DYNC1H1: variants seen among roughly 807,000 people sequenced by gnomAD.
DYNC1H1 encodes dynein cytoplasmic 1 heavy chain 1, also known as cytoplasmic dynein 1 heavy chain 1.
In DYNC1H1, 51 loss-of-function variants were observed where a neutral mutation model predicts 527.1. That is an observed-to-expected ratio of 0.10 (90% CI 0.08 to 0.12). The LOEUF (loss-of-function observed/expected upper bound fraction) is 0.12. Ranked by LOEUF, DYNC1H1 falls within the 10% of genes least tolerant of loss-of-function variation. The pLI, the probability that DYNC1H1 is intolerant of heterozygous loss-of-function variation, is 1.00. For missense variants in DYNC1H1, 2,771 were observed against 5,971.8 expected (o/e 0.46, Z 17.66); for synonymous variants, 2,189 against 2,278.8 (o/e 0.96, Z 1.12).
In DYNC1H1 at chr14:101,976,644, T is replaced by G. The variant is rs17540631; in HGVS notation, c.344+845T>G. On this transcript the variant is annotated intron_variant, in intron 2 of 77. Coordinates refer to ENST00000360184, the MANE Select transcript of DYNC1H1 (RefSeq NM_001376.5). ...GTCTTCAAATTAGGAAGTTTTCCAA[T>G]TCAATATAAATTCTAAAATACTGTC... Among the ~76,000 whole-genome samples, 835 of 152,334 alleles carry G rather than the reference T, an allele frequency of 5.5e-3. 16 individuals carry two copies. Among genetic ancestry groups the G allele is most frequent in the East Asian group, 0.037 (190 of 5,190 alleles).
At chr14:102,035,701 G>A (rs779064489) in intron 56 of DYNC1H1, 5 of 152,236 alleles carry the variant, frequency 3.3e-5, no homozygotes, top group African/African-American at 1.2e-4. Context: ...GGTGCAGAGC[G>A]GACAGTAGAG....
chr14:101,972,688 T>C (rs1253929483), intron 1 of DYNC1H1, among the ~76,000 whole-genome samples: 1 of 152,248 alleles, frequency 6.6e-6, no homozygotes, highest in Non-Finnish European at 1.5e-5. Flanking sequence ...TGTGTGATTT[T>C]ATTTGTATCA....
At position 102,038,017 on chromosome 14, in the gene DYNC1H1, T is replaced by TTTA. The variant is rs555767648; in HGVS notation, c.10909-440_10909-438dup. On this transcript the variant is annotated intron_variant, in intron 57 of 77. Transcript: ENST00000360184. This position sits in a 1 kb window ranked among gnomAD's most constrained non-coding sequence, Gnocchi z 7.2. ...GTGACTAGGAACTGAGTTTTAATTT[T>TTTA]TTATTTTATGTTTTTTTGAGACAGA... 46 of 309,184 alleles carry TTTA rather than the reference T, an allele frequency of 1.5e-4. No homozygotes were observed. In the Admixed American group the frequency reaches 1.9e-3, roughly 13 times the overall value. The allele number at this position is 309,184 out of a possible 1,614,324, so 19.2% of individuals were successfully genotyped here. A position where few individuals can be genotyped will look rare whatever the true frequency, so the allele number is the denominator to read the frequency against.
intron 43 of DYNC1H1, among the ~76,000 whole-genome samples, chr14:102,025,107 G>A (rs1177414306): frequency 6.6e-6 from 1 of 151,844 alleles, no homozygotes; most frequent in Non-Finnish European, 1.5e-5. Context: ...AGGCCAAGGT[G>A]GGCGGATCAC....
intron 42 of DYNC1H1, among the ~76,000 whole-genome samples, chr14:102,022,029 A>C (rs146288853): frequency 1.3e-5 from 2 of 151,618 alleles, no homozygotes; most frequent in Non-Finnish European, 2.9e-5. Context: ...CCAGCTACTG[A>C]GGAGGCTGAG....
intron 72 of DYNC1H1, among the ~76,000 whole-genome samples, chr14:102,046,632 G>T (rs2048723228): frequency 3.3e-5 from 5 of 152,200 alleles, no homozygotes. Flanking sequence ...CCAGTTTTCT[G>T]AGTTAAGAGG....
At position 102,041,914 on chromosome 14, in the gene DYNC1H1, G is replaced by A. The variant is rs1342131457; in HGVS notation, c.12103-99G>A. 6.6e-7 allele frequency: 1 copy of A among 1,512,534 alleles called. No homozygotes were observed. The highest frequency in any genetic ancestry group is 9.1e-7 in the Non-Finnish European group (1 of 1,100,276). The allele number at this position is 1,512,534 out of a possible 1,614,324, so 93.7% of individuals were successfully genotyped here. On this transcript the variant is annotated intron_variant, in intron 65 of 77. Coordinates refer to ENST00000360184, the MANE Select transcript of DYNC1H1 (RefSeq NM_001376.5). This position sits in a 1 kb window ranked among gnomAD's most constrained non-coding sequence, Gnocchi z 4.5. ...GTGCCCACACCTCTGGGCCCAGAAAGAACATCTTCTCAGGCCCCTCACTCG... is the reference window on the plus strand; with the variant it reads ...GTGCCCACACCTCTGGGCCCAGAAAAAACATCTTCTCAGGCCCCTCACTCG...
At chr14:102,043,010 G>A (rs558020021) in intron 69 of DYNC1H1, 15 of 491,210 alleles carry the variant, frequency 3.1e-5, no homozygotes, top group Admixed American at 2.7e-4. Context: ...GGCCAGGAGT[G>A]GTGGCTCACG....
Position 102,038,650 on chromosome 14 carries a change from G to A in DYNC1H1, c.11055+44G>A, listed in dbSNP as rs766041158. The stretch of plus-strand genomic sequence containing the variant: ...CCCCAGGGAAATCTGGCAGGATGTG[G>A]TTTTGAAACTGGATTAAGACAGACT... On this transcript the variant is annotated intron_variant, in intron 58 of 77. Coordinates refer to ENST00000360184, the MANE Select transcript of DYNC1H1 (RefSeq NM_001376.5). This position sits in a 1 kb window ranked among gnomAD's most constrained non-coding sequence, Gnocchi z 7.2. The A allele has an allele frequency of 1.2e-6, 2 of 1,614,244 alleles. No individual in the cohort carries two copies. Among genetic ancestry groups the A allele is most frequent in the South Asian group, 2.2e-5 (2 of 91,088 alleles).
At position 102,018,727 on chromosome 14, in the gene DYNC1H1, AAG is replaced by A. The variant is rs2048353094; in HGVS notation, c.8343+112_8343+113del. 3 of 1,413,080 alleles carry A rather than the reference AAG, an allele frequency of 2.1e-6. No homozygotes were observed. Among genetic ancestry groups the A allele is most frequent in the Non-Finnish European group, 2.9e-6 (3 of 1,033,164 alleles). 87.5% of individuals were successfully genotyped at this position (1,413,080 alleles called of 1,614,324 possible). A position where few individuals can be genotyped will look rare whatever the true frequency, so the allele number is the denominator to read the frequency against. On this transcript the variant is annotated intron_variant, in intron 41 of 77. Transcript: ENST00000360184. The surrounding 1 kb of genome is among the most constrained non-coding windows in gnomAD (Gnocchi z 5.2). ...TGTAATCCCAGCATTTTGGGAGGCC[AAG>A]GTGGGTGGATCCTTTGAGCCCAGGA...
intron 9 of DYNC1H1, among the ~76,000 whole-genome samples, 181 bp downstream of exon 9, chr14:101,987,813 C>T (rs367855151): frequency 4.6e-5 from 7 of 152,206 alleles, no homozygotes; most frequent in Admixed American, 1.3e-4. Context: ...AGTGGCTCAT[C>T]ATGCCTGTAA....
rs766459266 is a variant in DYNC1H1 at position 102,044,646 on chromosome 14, C to T, written c.12954C>T (p.Pro4318=). The T allele has an allele frequency of 1.9e-6, 3 of 1,614,034 alleles. No individual in the cohort carries two copies. In the African/African-American group the frequency reaches 4.0e-5, roughly 22 times the overall value. ...AGTTGCTCCCCGACACCCAGACGCC[C>T]TCCTGGCTGGGCCTGCCCAACAACG... ...WVELLPDTQT[P]SWLGLPNNAE... The change falls in exon 72 of 78, where the codon CCC becomes CCT. Residue 4318 remains proline, a synonymous_variant. Coordinates refer to ENST00000360184, the MANE Select transcript of DYNC1H1 (RefSeq NM_001376.5). This position sits in a 1 kb window ranked among gnomAD's most constrained non-coding sequence, Gnocchi z 7.1.
At position 102,041,820 on chromosome 14, in the gene DYNC1H1, C is replaced by G; in HGVS notation, c.12102+86C>G. 1 of 1,598,458 alleles carries G rather than the reference C, an allele frequency of 6.3e-7. No individual in the cohort carries two copies. The highest frequency in any genetic ancestry group is 8.5e-7 in the Non-Finnish European group (1 of 1,171,374). On this transcript the variant is annotated intron_variant, in intron 65 of 77. Transcript: ENST00000360184. This position sits in a 1 kb window ranked among gnomAD's most constrained non-coding sequence, Gnocchi z 4.5. ...GGTGGCAGCAGCCCTGGCATCTGCTCTCACTCCGGGCTACAGTCTCCTCCT... is the reference window on the plus strand; with the variant it reads ...GGTGGCAGCAGCCCTGGCATCTGCTGTCACTCCGGGCTACAGTCTCCTCCT...
intron 29 of DYNC1H1, 48 bp from the exon 30 acceptor site, chr14:102,009,795 T>A (rs76715642): frequency 1.9e-6 from 3 of 1,589,942 alleles, no homozygotes. Flanking sequence ...TGCATTTTGT[T>A]TTTTTTTTTT....
intron 1 of DYNC1H1, among the ~76,000 whole-genome samples, chr14:101,972,111 G>A (rs1055592954): frequency 1.2e-4 from 19 of 152,112 alleles, no homozygotes; most frequent in African/African-American, 3.9e-4. Context: ...TTAATCAAAC[G>A]TGCAGATTGT....
chr14:101,972,654 G>A (rs1291956116), intron 1 of DYNC1H1, among the ~76,000 whole-genome samples: 1 of 152,142 alleles, frequency 6.6e-6, no homozygotes, highest in Non-Finnish European at 1.5e-5. Context: ...ATGCTCATAT[G>A]CTGTGTCCGG....
intron 9 of DYNC1H1, 108 bp from the exon 10 acceptor site, chr14:101,988,595 C>G: frequency 7.0e-7 from 1 of 1,436,890 alleles, no homozygotes; most frequent in East Asian, 2.3e-5. Context: ...GGCTTCTAGT[C>G]CGGAACTGTG....
At chr14:101,973,279 C>T (rs998753533) in intron 1 of DYNC1H1, among the ~76,000 whole-genome samples, 1 of 151,706 alleles carries the variant, frequency 6.6e-6, no homozygotes, top group African/African-American at 2.4e-5. Context: ...TTACCCCAAC[C>T]TCCCAAATAA....
In DYNC1H1 at chr14:102,006,175, G is replaced by T; in HGVS notation, c.5716+5G>T. ...GGCTGGGGGGTTCCCCATTTGGTAAGTTCTTCCACAGATCTGGACAGATGG... is the reference window on the plus strand; with the variant it reads ...GGCTGGGGGGTTCCCCATTTGGTAATTTCTTCCACAGATCTGGACAGATGG... On this transcript the variant is annotated splice_donor_5th_base_variant and intron_variant, in intron 27 of 77. Coordinates refer to ENST00000360184, the MANE Select transcript of DYNC1H1 (RefSeq NM_001376.5). The T allele has an allele frequency of 6.2e-7, 1 of 1,613,204 alleles. No individual in the cohort carries two copies.
Sources: allele counts gnomAD v4.1 joint callset (sites outside exome capture counted in the v4.1 genomes callset), GRCh38; gene constraint gnomAD v4.1.1; non-coding constraint Gnocchi (gnomAD v3.1); transcripts MANE v1.5; gene names NCBI Gene and HGNC (gene_info 2026-07-23, HGNC 2026-07-21).